ZNF804A: variants seen among roughly 807,000 people sequenced by gnomAD.
The protein encoded by ZNF804A is zinc finger protein 804A.
Under a neutral mutation model 16.5 loss-of-function variants are expected in ZNF804A, and 2 were observed. The observed-to-expected ratio is 0.12, with a 90% CI of 0.05 to 0.38. The LOEUF (loss-of-function observed/expected upper bound fraction) is 0.38. Ranked by LOEUF, ZNF804A falls within the 10% of genes least tolerant of loss-of-function variation. ZNF804A has a pLI of 0.99. For synonymous variants in ZNF804A, 534 were observed against 489.6 expected (o/e 1.09, Z -1.20); for missense variants, 1,473 against 1,390.7 (o/e 1.06, Z -0.94).
At chr2:184,655,263 G>C (rs1315154501) in intron 1 of ZNF804A, among the ~76,000 whole-genome samples, 1 of 152,128 alleles carries the variant, frequency 6.6e-6, no homozygotes, top group Admixed American at 6.6e-5. Flanking sequence ...TGTAGAATTA[G>C]TGCTTCTGTG....
chr2:184,806,471 A>G (rs1489839095), intron 1 of ZNF804A, among the ~76,000 whole-genome samples: 1 of 151,952 alleles, frequency 6.6e-6, no homozygotes, highest in Admixed American at 6.6e-5. Flanking sequence ...GAATACAATT[A>G]TTTATGGTTT....
chr2:184,891,808 G>A (rs1414225610), intron 2 of ZNF804A, among the ~76,000 whole-genome samples: 1 of 152,056 alleles, frequency 6.6e-6, no homozygotes, highest in East Asian at 1.9e-4. Context: ...TTTTAAAGAG[G>A]AATAGTGTCT....
At chr2:184,833,757 T>C (rs1455999842) in intron 1 of ZNF804A, among the ~76,000 whole-genome samples, 1 of 152,086 alleles carries the variant, frequency 6.6e-6, no homozygotes, top group African/African-American at 2.4e-5. Flanking sequence ...TGCCACTTTG[T>C]CACATCTTTA....
intron 2 of ZNF804A, among the ~76,000 whole-genome samples, chr2:184,917,794 TACACACACACACAC>T (rs148689593): frequency 7.0e-6 from 1 of 142,942 alleles, no homozygotes; most frequent in African/African-American, 2.5e-5. Flanking sequence ...AACTAGCACA[TACACACACACACAC>T]ACACACACAC....
At position 184,938,533 on chromosome 2, in the gene ZNF804A, A is replaced by C; in HGVS notation, c.3137A>C (p.Asn1046Thr). ...CTAGAAAACCATGACAAATTCAAAAATGTACCATGTGAGGTCTACCAGCAC... is the reference window on the plus strand; with the variant it reads ...CTAGAAAACCATGACAAATTCAAAACTGTACCATGTGAGGTCTACCAGCAC... ...IPLENHDKFKNVPCEVYQHIL... is the reference protein window; with the variant it reads ...IPLENHDKFKTVPCEVYQHIL... Residue 1046 changes from asparagine (N) to threonine (T), a missense_variant, in exon 4 of 4, where the codon AAT (asparagine) becomes ACT (threonine). Asn to Thr is a moderately conservative substitution (Grantham distance 65, BLOSUM62 0). Coordinates refer to ENST00000302277, the MANE Select transcript of ZNF804A (RefSeq NM_194250.2). 1 of 1,614,084 alleles carries C rather than the reference A, an allele frequency of 6.2e-7. No homozygotes were observed. The highest frequency in any genetic ancestry group is 2.2e-5 in the East Asian group (1 of 44,860).
intron 1 of ZNF804A, among the ~76,000 whole-genome samples, chr2:184,739,873 A>G (rs977266749): frequency 3.9e-5 from 6 of 152,168 alleles, no homozygotes; most frequent in Non-Finnish European, 5.9e-5. Context: ...ATAATTGAAA[A>G]CTGACTATGA....
chr2:184,766,629 CA>C lies in ZNF804A; in HGVS notation c.112-99725del, dbSNP rs1232594654. On this transcript the variant is annotated intron_variant, in intron 1 of 3. Coordinates refer to ENST00000302277, the MANE Select transcript of ZNF804A (RefSeq NM_194250.2). The stretch of plus-strand genomic sequence containing the variant: ...AAAATAACTTAATATGGTGGTTGCT[CA>C]AAAAAAAAAAAAAAGAGAATTACCT... Among the ~76,000 whole-genome samples, 827 of 97,778 alleles carry C rather than the reference CA, an allele frequency of 8.5e-3. 3 individuals are homozygous for C. Among genetic ancestry groups the C allele is most frequent in the African/African-American group, 0.02 (564 of 28,458 alleles). The allele number at this position is 97,778 out of a possible 152,430, so 64.1% of individuals were successfully genotyped here.
At chr2:184,809,603 A>T (rs1302455717) in intron 1 of ZNF804A, among the ~76,000 whole-genome samples, 2 of 151,854 alleles carry the variant, frequency 1.3e-5, no homozygotes, top group African/African-American at 4.8e-5. Flanking sequence ...ACTTATAAAT[A>T]TTATTCTAGA....
At chr2:184,760,473 G>C (rs1348337162) in intron 1 of ZNF804A, among the ~76,000 whole-genome samples, 3 of 152,022 alleles carry the variant, frequency 2.0e-5, no homozygotes, top group Non-Finnish European at 4.4e-5. Flanking sequence ...TGGTTTTACT[G>C]TATCAGCAAG....
chr2:184,922,275 C>T (rs550626601), intron 2 of ZNF804A, among the ~76,000 whole-genome samples: 173 of 152,128 alleles, frequency 1.1e-3, no homozygotes, highest in African/African-American at 4.0e-3. Context: ...TATTGCTTAT[C>T]TTTTGGATAA....
chr2:184,765,225 A>G (rs1043317804), intron 1 of ZNF804A, among the ~76,000 whole-genome samples: 1 of 152,188 alleles, frequency 6.6e-6, no homozygotes, highest in Non-Finnish European at 1.5e-5. Context: ...TCAGTAGCAT[A>G]TTAGTGACTG....
intron 1 of ZNF804A, among the ~76,000 whole-genome samples, chr2:184,752,527 C>T (rs996182431): frequency 1.3e-5 from 2 of 151,318 alleles, no homozygotes; most frequent in Non-Finnish European, 3.0e-5. Flanking sequence ...TTATCAGGTA[C>T]AATGTTCACT....
intron 1 of ZNF804A, among the ~76,000 whole-genome samples, chr2:184,773,794 A>G (rs1694251190): frequency 6.6e-6 from 1 of 151,954 alleles, no homozygotes; most frequent in Non-Finnish European, 1.5e-5. Context: ...CCCAAAATCC[A>G]TTGAAATAAA....
chr2:184,927,475 C>T (rs534933125), intron 2 of ZNF804A, among the ~76,000 whole-genome samples: 91 of 152,282 alleles, frequency 6.0e-4, no homozygotes, highest in Middle Eastern at 6.8e-3. Context: ...TGGGTCTTAC[C>T]CAAAGCCTGC....
chr2:184,884,537 T>A (rs976315160), intron 2 of ZNF804A, among the ~76,000 whole-genome samples: 41 of 152,112 alleles, frequency 2.7e-4, no homozygotes, highest in African/African-American at 9.9e-4. Context: ...GACATCACAT[T>A]ACCCCTTTTT....
intron 1 of ZNF804A, among the ~76,000 whole-genome samples, chr2:184,722,165 A>G (rs1044302978): frequency 6.6e-6 from 1 of 152,000 alleles, no homozygotes; most frequent in Non-Finnish European, 1.5e-5. Flanking sequence ...GTAAAAATAA[A>G]TTCATGTTCT....
At chr2:184,724,809 A>C (rs1202280193) in intron 1 of ZNF804A, among the ~76,000 whole-genome samples, 1 of 151,754 alleles carries the variant, frequency 6.6e-6, no homozygotes, top group Non-Finnish European at 1.5e-5. Flanking sequence ...AAGACGTGAG[A>C]GTATGGCTAG....
intron 1 of ZNF804A, among the ~76,000 whole-genome samples, chr2:184,785,176 T>G (rs1694429158): frequency 6.6e-6 from 1 of 151,960 alleles, no homozygotes; most frequent in Non-Finnish European, 1.5e-5. Flanking sequence ...TGGCCTACCC[T>G]CCTTATCCCC....
At chr2:184,639,623 A>C (rs1199696765) in intron 1 of ZNF804A, among the ~76,000 whole-genome samples, 1 of 152,218 alleles carries the variant, frequency 6.6e-6, no homozygotes, top group Non-Finnish European at 1.5e-5. Flanking sequence ...AAATAACAAA[A>C]GGTTGTCATG....
Sources: gnomAD v4.1 joint callset for allele counts (sites outside exome capture counted in the v4.1 genomes callset) on GRCh38, gnomAD v4.1.1 for gene constraint, MANE v1.5 for transcripts, NCBI Gene and HGNC (gene_info 2026-07-23, HGNC 2026-07-21) for gene names.